The following MACROD2 variants were observed in gnomAD, a reference collection of about 807,000 sequenced individuals.
The protein encoded by MACROD2 is mono-ADP ribosylhydrolase 2.
In MACROD2, 36 loss-of-function variants were observed where a neutral mutation model predicts 70.4. The observed-to-expected ratio is 0.51, with a 90% CI of 0.39 to 0.68. MACROD2 has a LOEUF of 0.68. MACROD2 is among the 30% of genes least tolerant of loss of function. The pLI, the probability that MACROD2 is intolerant of heterozygous loss-of-function variation, is 0.00. For missense variants in MACROD2, 496 were observed against 538.4 expected (o/e 0.92, Z 0.78); for synonymous variants, 172 against 178.8 (o/e 0.96, Z 0.30).
Position 14,076,692 on chromosome 20 carries a change from C to G in MACROD2, c.164-8929C>G, listed in dbSNP as rs973604065. On this transcript the variant is annotated intron_variant, in intron 2 of 17. Coordinates refer to ENST00000684519, the MANE Select transcript of MACROD2 (RefSeq NM_001351661.2). ...AGACCTTGCCCCCTCACCTTCCACC[C>G]CCCAAAGAAGTACATATAACTTTGC... Among the ~76,000 whole-genome samples, 18 of 151,818 alleles carry G rather than the reference C, an allele frequency of 1.2e-4. No individual in the cohort carries two copies. In the South Asian group the frequency reaches 3.3e-3, roughly 28 times the overall value.
intron 8 of MACROD2, among the ~76,000 whole-genome samples, chr20:15,844,406 T>G (rs1311697749): frequency 6.6e-6 from 1 of 152,152 alleles, no homozygotes; most frequent in African/African-American, 2.4e-5. Flanking sequence ...AGTGAGCATT[T>G]GCTGTGTGCT....
chr20:14,304,018 G>A lies in MACROD2; in HGVS notation c.272-189461G>A, dbSNP rs895786248. 7.8e-4 allele frequency among the ~76,000 whole-genome samples: 118 copies of A among 152,184 alleles called. 1 individual carries two copies. Among genetic ancestry groups the A allele is most frequent in the African/African-American group, 2.6e-3 (107 of 41,472 alleles). On this transcript the variant is annotated intron_variant, in intron 3 of 17. Transcript: ENST00000684519. ...TTACCAGAATGAACACATTTTGAGT[G>A]TCTTTATTATTCTGTACCACTTTAT...
rs139226469 is a variant in MACROD2 at position 15,617,140 on chromosome 20, G to A, written c.645+117293G>A. On this transcript the variant is annotated intron_variant, in intron 8 of 17. Transcript: ENST00000684519. The stretch of plus-strand genomic sequence containing the variant: ...TATTTTGTTTTTTTCAAGTTACCAG[G>A]CTTTGTGCTCTTTTTCCCTGTAGTT... Among the ~76,000 whole-genome samples, 3 of 152,134 alleles carry A rather than the reference G, an allele frequency of 2.0e-5. No individual in the cohort carries two copies. In the South Asian group the frequency reaches 6.2e-4, roughly 32 times the overall value.
At chr20:14,042,382 A>G (rs776167962) in intron 2 of MACROD2, among the ~76,000 whole-genome samples, 13 of 152,252 alleles carry the variant, frequency 8.5e-5, no homozygotes, top group Admixed American at 2.6e-4. Flanking sequence ...GCTTTTTCCT[A>G]TGTTCATACT....
chr20:14,068,176 G>C (rs2053791237), intron 2 of MACROD2, among the ~76,000 whole-genome samples: 1 of 152,122 alleles, frequency 6.6e-6, no homozygotes, highest in African/African-American at 2.4e-5. Context: ...ATTGGCCTAA[G>C]ACTTAATTCC....
intron 2 of MACROD2, among the ~76,000 whole-genome samples, chr20:14,048,519 C>CT (rs2053511458): frequency 6.6e-6 from 1 of 152,150 alleles, no homozygotes; most frequent in South Asian, 2.1e-4. Context: ...ACCCAAAAAA[C>CT]TATCTATGGG....
chr20:15,648,871 CCTAT>C (rs935161745), intron 8 of MACROD2, among the ~76,000 whole-genome samples: 5 of 151,976 alleles, frequency 3.3e-5, no homozygotes, highest in African/African-American at 9.7e-5. Flanking sequence ...CTAAATTTAT[CCTAT>C]CTGTTAAAAC....
At chr20:14,325,647 C>T (rs1379025240) in intron 3 of MACROD2, 1 of 1,613,758 alleles carries the variant, frequency 6.2e-7, no homozygotes, top group Non-Finnish European at 8.5e-7. Flanking sequence ...TGTACAGATT[C>T]ATTCCATTAG....
At chr20:15,396,422 C>G (rs1271813665) in intron 6 of MACROD2, among the ~76,000 whole-genome samples, 1 of 152,148 alleles carries the variant, frequency 6.6e-6, no homozygotes, top group African/African-American at 2.4e-5. Context: ...CGTATTTGAA[C>G]CTAAGTAGTG....
intron 10 of MACROD2, among the ~76,000 whole-genome samples, chr20:15,901,682 G>A (rs2065066720): frequency 6.6e-6 from 1 of 152,188 alleles, no homozygotes. Flanking sequence ...AGGAGCATCA[G>A]CAGCCTATCT....
intron 3 of MACROD2, among the ~76,000 whole-genome samples, chr20:14,133,182 T>G (rs922947712): frequency 6.6e-6 from 1 of 152,214 alleles, no homozygotes; most frequent in Non-Finnish European, 1.5e-5. Context: ...CCCAAATGTC[T>G]GGGCACCTTT....
At chr20:14,356,061 G>T (rs910451358) in intron 3 of MACROD2, among the ~76,000 whole-genome samples, 3 of 152,112 alleles carry the variant, frequency 2.0e-5, no homozygotes, top group Non-Finnish European at 2.9e-5. Context: ...TTAGTGTCAT[G>T]GTTAAGGGTG....
At chr20:14,169,586 G>A (rs1376121318) in intron 3 of MACROD2, among the ~76,000 whole-genome samples, 2 of 152,044 alleles carry the variant, frequency 1.3e-5, no homozygotes, top group Non-Finnish European at 2.9e-5. Context: ...TTACAGGTGT[G>A]AGCCACTGCA....
At chr20:14,830,932 AT>A (rs1205084956) in intron 5 of MACROD2, among the ~76,000 whole-genome samples, 2 of 152,182 alleles carry the variant, frequency 1.3e-5, no homozygotes, top group Admixed American at 1.3e-4. Context: ...ATTTAAAAAA[AT>A]AATCTTAACT....
At chr20:15,312,305 T>C (rs2077761645) in intron 6 of MACROD2, among the ~76,000 whole-genome samples, 1 of 152,252 alleles carries the variant, frequency 6.6e-6, no homozygotes, top group South Asian at 2.1e-4. Context: ...TAAGATGTGA[T>C]GGTGCTATTT....
intron 8 of MACROD2, among the ~76,000 whole-genome samples, chr20:15,558,858 A>G (rs998704379): frequency 3.3e-5 from 5 of 152,208 alleles, no homozygotes; most frequent in Non-Finnish European, 7.3e-5. Context: ...TATAAAGAAA[A>G]GATTAGTTTA....
intron 6 of MACROD2, among the ~76,000 whole-genome samples, chr20:15,288,927 G>A (rs1288628584): frequency 6.7e-6 from 1 of 149,558 alleles, no homozygotes; most frequent in African/African-American, 2.5e-5. Flanking sequence ...CATCCTATTG[G>A]TTCTGTTTTT....
intron 8 of MACROD2, among the ~76,000 whole-genome samples, chr20:15,759,993 A>G (rs954012449): frequency 5.9e-5 from 9 of 152,200 alleles, no homozygotes; most frequent in Non-Finnish European, 1.3e-4. Context: ...AATAATGACA[A>G]TATTGTGCTC....
chr20:14,310,800 C>CT (rs1475117476), intron 3 of MACROD2, among the ~76,000 whole-genome samples: 34 of 151,138 alleles, frequency 2.2e-4, no homozygotes, highest in Admixed American at 2.2e-3. Context: ...TAGGCCTAGG[C>CT]TAAGATGTTT....
Sources: allele counts gnomAD v4.1 joint callset (sites outside exome capture counted in the v4.1 genomes callset), GRCh38; gene constraint gnomAD v4.1.1; transcripts MANE v1.5; gene names NCBI Gene and HGNC (gene_info 2026-07-23, HGNC 2026-07-21).